Variants in ERICH3 observed in about 807,000 individuals in gnomAD.
ERICH3 encodes glutamate rich 3.
ERICH3 carries 126 observed loss-of-function variants against 131.1 expected under a neutral mutation model. That is an observed-to-expected ratio of 0.96 (90% CI 0.83 to 1.11). ERICH3 has a LOEUF of 1.11. Ranked by LOEUF, ERICH3 falls within the 50% of genes most tolerant of loss-of-function variation. The probability of loss-of-function intolerance (pLI) is 0.00; values close to 1 mark genes in which losing one functional copy is unlikely to be tolerated. For synonymous variants in ERICH3, 695 were observed against 644.6 expected (o/e 1.08, Z -1.18); for missense variants, 2,050 against 1,810.7 (o/e 1.13, Z -2.40).
rs762567186 is a variant in ERICH3, at chr1:74,572,566, T to G, written c.3144A>C (p.Glu1048Asp). 4.3e-6 allele frequency: 7 copies of G among 1,614,042 alleles called. No individual in the cohort carries two copies. In the South Asian group the frequency reaches 5.5e-5, roughly 13 times the overall value. ...CTAAATCTAATTCCTTGGGTAAAAT[T>G]TCTTTCCTATCATCTTCCCTATTAG... ...AEANREDDRKEILPKELDLAR... is the reference protein window; with the variant it reads ...AEANREDDRKDILPKELDLAR... The change falls in exon 14 of 15, where the codon GAA (glutamate) becomes GAC (aspartate). Residue 1048 changes from glutamate (E) to aspartate (D), a missense_variant. Coordinates refer to ENST00000326665, the MANE Select transcript of ERICH3 (RefSeq NM_001002912.5).
intron 7 of ERICH3, among the ~76,000 whole-genome samples, chr1:74,626,747 T>C (rs1440913084): frequency 1.3e-5 from 2 of 152,114 alleles, no homozygotes; most frequent in Non-Finnish European, 2.9e-5. Flanking sequence ...GTAAATGCAG[T>C]ATAAAGCTCT....
Position 74,572,310 on chromosome 1 carries a change from C to A in ERICH3, c.3400G>T (p.Ala1134Ser), listed in dbSNP as rs533198887. 6 of 1,613,852 alleles carry A rather than the reference C, an allele frequency of 3.7e-6. No individual in the cohort carries two copies. The highest frequency in any genetic ancestry group is 4.2e-6 in the Non-Finnish European group (5 of 1,179,996). ...CCTGGATTGTCAGACAACTCAGAAG[C>A]CTCCACAGGTGCTTCGTTCTCAGCA... ...SDAENEAPVE[A>S]SELSDNPGLL... The change falls in exon 14 of 15, where the codon GCT becomes TCT. Residue 1134 changes from alanine to serine, a missense_variant. Ala to Ser is a moderately conservative substitution (Grantham distance 99, BLOSUM62 1). Coordinates refer to ENST00000326665, the MANE Select transcript of ERICH3 (RefSeq NM_001002912.5).
At chr1:74,666,186 G>GA (rs942692739) in intron 1 of ERICH3, among the ~76,000 whole-genome samples, 3 of 152,042 alleles carry the variant, frequency 2.0e-5, no homozygotes, top group Admixed American at 6.6e-5. Flanking sequence ...TTTACTGTCA[G>GA]AAAAAACTGC....
intron 1 of ERICH3, among the ~76,000 whole-genome samples, chr1:74,669,319 T>C (rs893922508): frequency 3.3e-5 from 5 of 152,150 alleles, no homozygotes; most frequent in African/African-American, 1.2e-4. Context: ...TTTTTTTTCT[T>C]GTCATGAGCT....
At chr1:74,587,168 A>G (rs754547132) in intron 12 of ERICH3, among the ~76,000 whole-genome samples, 20 of 151,826 alleles carry the variant, frequency 1.3e-4, no homozygotes, top group Non-Finnish European at 2.4e-4. Context: ...TACTAAAAAT[A>G]CAAAAAATTA....
chr1:74,653,941 C>A (rs1449352945), intron 1 of ERICH3, among the ~76,000 whole-genome samples: 1 of 152,118 alleles, frequency 6.6e-6, no homozygotes, highest in Non-Finnish European at 1.5e-5. Flanking sequence ...GAACAAGTGA[C>A]CCTCTGCCTC....
At chr1:74,624,005 G>A (rs946893647) in intron 7 of ERICH3, 4 of 152,126 alleles carry the variant, frequency 2.6e-5, no homozygotes, top group African/African-American at 7.2e-5. Flanking sequence ...AGATAAGGAT[G>A]ACGTCCTAGT....
At chr1:74,614,620 C>A (rs574132456) in intron 8 of ERICH3, among the ~76,000 whole-genome samples, 1 of 149,142 alleles carries the variant, frequency 6.7e-6, no homozygotes, top group Non-Finnish European at 1.5e-5. Flanking sequence ...GAGCTTGCAG[C>A]GAGCCGAGAT....
At position 74,599,894 on chromosome 1, in the gene ERICH3, T is replaced by C; in HGVS notation, c.1527A>G (p.Gln509=). 1 of 1,611,692 alleles carries C rather than the reference T, an allele frequency of 6.2e-7. No individual in the cohort carries two copies. The change falls in exon 11 of 15, where the codon CAA becomes CAG. Residue 509 remains glutamine, a synonymous_variant. Transcript: ENST00000326665. ...EEDFEVDEEK[Q]GEKSNEEGQA... is the part of the protein sequence containing the mutation. ...GTCCTTCTTCATTAGATTTTTCACC[T>C]TGTTTCTCCTCATCTACTTCAAAGT...
chr1:74,654,385 TATCCTACAGTAGG>T lies in ERICH3; in HGVS notation c.24-5083_24-5071del, dbSNP rs548668296. ...ATATATATATGTATGTATATATGTA[TATCCTACAGTAGG>T]ATATGTATATCCTACTGTTTCTCTT... On this transcript the variant is annotated intron_variant, in intron 1 of 14. Transcript: ENST00000326665. Among the ~76,000 whole-genome samples, 1,378 of 151,812 alleles carry T rather than the reference TATCCTACAGTAGG, an allele frequency of 9.1e-3. 30 individuals carry two copies. Among genetic ancestry groups the T allele is most frequent in the African/African-American group, 0.032 (1,312 of 41,350 alleles).
rs35815763 is a variant in ERICH3 at position 74,667,095 on chromosome 1, AT to A, written c.23+6401del. Among the ~76,000 whole-genome samples the A allele has an allele frequency of 5.3e-5, 8 of 151,992 alleles. No homozygotes were observed. In the East Asian group the frequency reaches 9.7e-4, roughly 18 times the overall value. On this transcript the variant is annotated intron_variant, in intron 1 of 14. Transcript: ENST00000326665. The stretch of plus-strand genomic sequence containing the variant: ...CTGTATATGAATATGTTTACCTTAA[AT>A]TTTTTTTAATTAAAAGCATAAATAT...
chr1:74,573,607 G>A, intron 13 of ERICH3, 116 bp from the exon 14 acceptor site: 1 of 1,207,208 alleles, frequency 8.3e-7, no homozygotes, highest in Non-Finnish European at 1.1e-6. Flanking sequence ...GTGATATCAA[G>A]AGGCCATTGT....
At chr1:74,626,415 T>C (rs775309174) in intron 7 of ERICH3, among the ~76,000 whole-genome samples, 5 of 152,204 alleles carry the variant, frequency 3.3e-5, no homozygotes, top group African/African-American at 9.6e-5. Flanking sequence ...AGGAGGTAGA[T>C]AGGGGGCTTT....
chr1:74,650,283 GT>G (rs1218468344), intron 1 of ERICH3, among the ~76,000 whole-genome samples: 1 of 152,204 alleles, frequency 6.6e-6, no homozygotes, highest in Admixed American at 6.5e-5. Flanking sequence ...GGATAAATTG[GT>G]TTGTTGATTA....
At chr1:74,646,628 A>G (rs1472328345) in intron 3 of ERICH3, 39 bp downstream of exon 3, 1 of 1,095,048 alleles carries the variant, frequency 9.1e-7, no homozygotes, top group Non-Finnish European at 1.2e-6. Flanking sequence ...GGAAGTAGAA[A>G]AAAATAAAAT....
intron 7 of ERICH3, among the ~76,000 whole-genome samples, chr1:74,626,439 C>T (rs1281810374): frequency 6.6e-6 from 1 of 152,128 alleles, no homozygotes; most frequent in Non-Finnish European, 1.5e-5. Flanking sequence ...GGAAAAGTCT[C>T]AAACTAGTGT....
intron 14 of ERICH3, 80 bp downstream of exon 14, chr1:74,571,019 G>A: frequency 6.7e-7 from 1 of 1,492,804 alleles, no homozygotes; most frequent in African/African-American, 1.4e-5. Flanking sequence ...CACCAATAAA[G>A]GGACAAGCCA....
chr1:74,598,922 A>G (rs1297677630), intron 11 of ERICH3, among the ~76,000 whole-genome samples: 1 of 151,930 alleles, frequency 6.6e-6, no homozygotes, highest in African/African-American at 2.4e-5. Flanking sequence ...TCAGTACACA[A>G]AACAATAAAT....
chr1:74,576,978 C>T (rs763153068), intron 12 of ERICH3, 42 bp from the exon 13 acceptor site: 2 of 1,535,642 alleles, frequency 1.3e-6, no homozygotes, highest in Non-Finnish European at 1.8e-6. Context: ...TCAAATGAAT[C>T]ACTGTGAAAT....
Sources: gnomAD v4.1 joint callset for allele counts (sites outside exome capture counted in the v4.1 genomes callset) on GRCh38, gnomAD v4.1.1 for gene constraint, MANE v1.5 for transcripts, NCBI Gene and HGNC (gene_info 2026-07-23, HGNC 2026-07-21) for gene names.